The following FUS variants were observed in gnomAD, a reference collection of about 807,000 sequenced individuals.
FUS encodes the protein FUS RNA binding protein.
FUS carries 5 observed loss-of-function variants against 82.7 expected under a neutral mutation model. The ratio of observed to expected loss-of-function variants is 0.06; its 90% CI spans 0.03 to 0.13. The LOEUF (loss-of-function observed/expected upper bound fraction) is 0.13. Among genes scored for constraint, FUS ranks in the 10% least tolerant of loss-of-function variants. The pLI is 1.00. For missense variants in FUS, 512 were observed against 707.8 expected (o/e 0.72, Z 3.14); for synonymous variants, 281 against 247.4 (o/e 1.14, Z -1.27).
intron 1 of FUS, 127 bp downstream of exon 1, chr16:31,180,354 G>A: frequency 7.9e-7 from 1 of 1,258,916 alleles, no homozygotes; most frequent in Non-Finnish European, 1.1e-6. Flanking sequence ...GTGGCGGGAA[G>A]CCGCGGAGAA....
Position 31,185,199 on chromosome 16 carries a change from G to A in FUS, c.764+20G>A. ...CATGGGGTAGGTGTCTCATGAGCCA[G>A]GGAGTATCTTTGGTGGGGAGTGTGG... On this transcript the variant is annotated intron_variant, in intron 6 of 14. Transcript: ENST00000254108. 6.3e-7 allele frequency: 1 copy of A among 1,597,308 alleles called. No individual in the cohort carries two copies. Among genetic ancestry groups the A allele is most frequent in the Non-Finnish European group, 8.5e-7 (1 of 1,170,884 alleles).
chr16:31,186,479 A>G (rs1596901243), intron 6 of FUS: 1 of 463,636 alleles, frequency 2.2e-6, no homozygotes, highest in East Asian at 3.7e-5. Context: ...GTTGTCAACC[A>G]CTTGCGACAA....
chr16:31,185,035 G>A lies in FUS; in HGVS notation c.620G>A (p.Gly207Asp). ...CAGAGTGGTGGAGGTGGCAGCGGTG[G>A]CTATGGACAGCAGGACCGTGGAGGC... ...QDQSGGGGSG[G>D]YGQQDRGGRG... The change falls in exon 6 of 15, where the codon GGC becomes GAC. Residue 207 changes from glycine (G) to aspartate (D), a missense_variant. Coordinates refer to ENST00000254108, the MANE Select transcript of FUS (RefSeq NM_004960.4). 1 of 1,613,066 alleles carries A rather than the reference G, an allele frequency of 6.2e-7. No individual in the cohort carries two copies. Among genetic ancestry groups the A allele is most frequent in the South Asian group, 1.1e-5 (1 of 91,032 alleles).
intron 8 of FUS, chr16:31,188,792 TTTC>T: frequency 2.1e-6 from 1 of 468,022 alleles, no homozygotes; most frequent in Non-Finnish European, 3.8e-6. Flanking sequence ...GTAAAATGGG[TTTC>T]TTATTTAATT....
intron 1 of FUS, among the ~76,000 whole-genome samples, chr16:31,181,097 T>C (rs2079169951): frequency 6.6e-6 from 1 of 152,164 alleles, no homozygotes; most frequent in Non-Finnish European, 1.5e-5. Context: ...TGTTTCTTAG[T>C]AGGGGCGGGG....
chr16:31,182,762 G>A (rs1435011288), intron 3 of FUS, 98 bp downstream of exon 3: 1 of 1,481,328 alleles, frequency 6.8e-7, no homozygotes. Context: ...TGTTGCCCAG[G>A]CTGGAGTGCA....
chr16:31,183,279 TAA>T (rs545467315), intron 3 of FUS: 3 of 158,932 alleles, frequency 1.9e-5, no homozygotes, highest in East Asian at 1.7e-4. Context: ...CTCAAAAACA[TAA>T]AAAAAAAAAC....
Position 31,189,209 on chromosome 16 carries a change from C to G in FUS, c.919C>G (p.Gln307Glu). ...TGAGTCTGTGGCTGATTACTTCAAG[C>G]AGATTGGTATTATTAAGGTACTTGT... ...TIESVADYFK[Q>E]IGIIKTNKKT... Residue 307 changes from glutamine (Q) to glutamate (E), a missense_variant, in exon 9 of 15, where the codon CAG becomes GAG. Physicochemically the swap from Gln to Glu is conservative, Grantham distance 29. Coordinates refer to ENST00000254108, the MANE Select transcript of FUS (RefSeq NM_004960.4). 1 of 1,611,720 alleles carries G rather than the reference C, an allele frequency of 6.2e-7. No individual in the cohort carries two copies. Among genetic ancestry groups the G allele is most frequent in the Non-Finnish European group, 8.5e-7 (1 of 1,177,872 alleles).
At chr16:31,189,828 G>C in intron 10 of FUS, 34 bp downstream of exon 10, 1 of 1,613,510 alleles carries the variant, frequency 6.2e-7, no homozygotes, top group Non-Finnish European at 8.5e-7. Context: ...GGTGGGGCTG[G>C]GGATATAGGG....
intron 9 of FUS, 107 bp downstream of exon 9, chr16:31,189,333 T>C: frequency 1.1e-6 from 1 of 913,558 alleles, no homozygotes; most frequent in South Asian, 1.3e-5. Flanking sequence ...AAAACAAGTC[T>C]TAGTGGTTGT....
intron 6 of FUS, chr16:31,186,074 TGAG>T (rs952240812): frequency 1.3e-5 from 3 of 236,564 alleles, no homozygotes; most frequent in Non-Finnish European, 2.5e-5. Context: ...CGTGCAAAAA[TGAG>T]GAAAACAAAA....
intron 12 of FUS, 59 bp downstream of exon 12, chr16:31,190,457 G>T (rs1318464070): frequency 1.2e-6 from 2 of 1,610,284 alleles, no homozygotes; most frequent in Admixed American, 1.7e-5. Context: ...TGATATATTG[G>T]TACTGAGGTA....
chr16:31,184,320 T>C lies in FUS; in HGVS notation c.447T>C (p.Tyr149=). 6.2e-7 allele frequency: 1 copy of C among 1,614,102 alleles called. No homozygotes were observed. Among genetic ancestry groups the C allele is most frequent in the Non-Finnish European group, 8.5e-7 (1 of 1,180,028 alleles). The change falls in exon 5 of 15, where the codon TAT becomes TAC. Residue 149 remains tyrosine (Y), a synonymous_variant. Coordinates refer to ENST00000254108, the MANE Select transcript of FUS (RefSeq NM_004960.4). ...QQQSYGQQQS[Y]NPPQGYGQQN... ...AAAGCTATGGACAGCAGCAAAGCTA[T>C]AATCCCCCTCAGGGCTATGGACAGC... is the stretch of plus-strand genomic sequence containing the variant.
At chr16:31,187,055 T>G (rs2079281119) in intron 7 of FUS, 1 of 611,126 alleles carries the variant, frequency 1.6e-6, no homozygotes, top group African/African-American at 1.8e-5. Context: ...ACCAAATGGG[T>G]TTGCCCCAGG....
At chr16:31,191,240 A>G (rs1166257415) in intron 14 of FUS, 130 bp downstream of exon 14, 2 of 1,476,410 alleles carry the variant, frequency 1.4e-6, no homozygotes, top group African/African-American at 1.4e-5. Flanking sequence ...CCAGTAGTGG[A>G]GAGGGAAGGA....
At chr16:31,189,834 T>C in intron 10 of FUS, 40 bp downstream of exon 10, 3 of 1,613,288 alleles carry the variant, frequency 1.9e-6, no homozygotes, top group Admixed American at 3.3e-5. Context: ...GCTGGGGATA[T>C]AGGGCAGCAA....
chr16:31,180,918 C>CTTT (rs34242298), intron 1 of FUS, among the ~76,000 whole-genome samples: 1 of 147,798 alleles, frequency 6.8e-6, no homozygotes, highest in Non-Finnish European at 1.5e-5. Flanking sequence ...AAATTTCTTT[C>CTTT]TTTTTTTTTT....
At chr16:31,180,116 G>C (rs1279183148), upstream of FUS, 2 of 1,537,760 alleles carry the variant, frequency 1.3e-6, no homozygotes, top group African/African-American at 2.7e-5. Flanking sequence ...GCGTACTTAA[G>C]CTTCGACGCA....
Position 31,190,034 on chromosome 16 carries a change from C to T in FUS, c.1067-6C>T, listed in dbSNP as rs77813265. ...AAAGTCTGTTGATGATTTTTTGTTT[C>T]TCTAGGTAAAGAATTCTCCGGAAAT... On this transcript the variant is annotated splice_region_variant and splice_polypyrimidine_tract_variant and intron_variant, in intron 10 of 14. Transcript: ENST00000254108. 1.4e-4 allele frequency: 232 copies of T among 1,608,232 alleles called. No homozygotes were observed. The highest frequency in any genetic ancestry group is 1.9e-4 in the Non-Finnish European group (226 of 1,176,950).
Sources: allele counts gnomAD v4.1 joint callset (sites outside exome capture counted in the v4.1 genomes callset), GRCh38; gene constraint gnomAD v4.1.1; transcripts MANE v1.5; gene names NCBI Gene and HGNC (gene_info 2026-07-23, HGNC 2026-07-21).